The following SESN1 variants were observed in gnomAD, a reference collection of about 807,000 sequenced individuals.
SESN1 encodes the protein sestrin-1.
SESN1 carries 30 observed loss-of-function variants against 59.3 expected under a neutral mutation model. The ratio of observed to expected loss-of-function variants is 0.51; its 90% CI spans 0.38 to 0.69. The LOEUF (loss-of-function observed/expected upper bound fraction) is 0.69. SESN1 is among the 30% of genes least tolerant of loss of function. The pLI is 0.00. For synonymous variants in SESN1, 197 were observed against 219.9 expected, an observed-to-expected ratio of 0.90 and a Z score of 0.92; for missense variants, 566 against 673.0, an observed-to-expected ratio of 0.84 and a Z score of 1.76.
chr6:109,050,911 T>C (rs1583287571), intron 1 of SESN1, among the ~76,000 whole-genome samples: 1 of 152,142 alleles, frequency 6.6e-6, no homozygotes, highest in Admixed American at 6.5e-5. Context: ...ACTGCTTAGG[T>C]AGGGGGAATG....
intron 3 of SESN1, 110 bp from the exon 4 acceptor site, chr6:109,000,783 AT>A: frequency 1.1e-6 from 1 of 928,170 alleles, no homozygotes; most frequent in African/African-American, 1.7e-5. Flanking sequence ...ATGTTTTCAA[AT>A]TTTCCGTAAA....
chr6:109,006,258 T>C (rs894162261), intron 1 of SESN1, among the ~76,000 whole-genome samples: 1 of 152,208 alleles, frequency 6.6e-6, no homozygotes, highest in Non-Finnish European at 1.5e-5. Flanking sequence ...GGTACTATTA[T>C]TATCTCCATT....
chr6:109,075,341 G>A (rs1203905852), intron 1 of SESN1, among the ~76,000 whole-genome samples: 5 of 152,128 alleles, frequency 3.3e-5, no homozygotes, highest in Admixed American at 3.3e-4. Context: ...TTCCTTTTGA[G>A]TATGGACTAA....
chr6:109,081,014 T>C (rs1282623027), intron 1 of SESN1, among the ~76,000 whole-genome samples: 1 of 152,094 alleles, frequency 6.6e-6, no homozygotes, highest in Admixed American at 6.6e-5. Context: ...AGATATCTCA[T>C]TATACATATG....
At chr6:109,027,292 G>A (rs1171546932) in intron 1 of SESN1, among the ~76,000 whole-genome samples, 3 of 151,954 alleles carry the variant, frequency 2.0e-5, no homozygotes, top group Non-Finnish European at 4.4e-5. Flanking sequence ...GGCCAACATG[G>A]TGAAACCCCG....
intron 8 of SESN1, among the ~76,000 whole-genome samples, chr6:108,989,637 A>G (rs957236121): frequency 6.8e-6 from 1 of 147,604 alleles, no homozygotes; most frequent in African/African-American, 2.5e-5. Context: ...ATTTACTTGT[A>G]TAAATAAATA....
chr6:109,039,073 A>AAAGGAGGGAGGAAAAGGAG (rs1288510565), intron 1 of SESN1, among the ~76,000 whole-genome samples: 4 of 150,450 alleles, frequency 2.7e-5, no homozygotes, highest in African/African-American at 9.8e-5. Context: ...AAGGAGGAAG[A>AAAGGAGGGAGGAAAAGGAG]AAGGAGGGAG....
At chr6:109,042,898 C>T (rs983767378) in intron 1 of SESN1, among the ~76,000 whole-genome samples, 2 of 151,406 alleles carry the variant, frequency 1.3e-5, no homozygotes, top group Non-Finnish European at 2.9e-5. Context: ...AAAGACAATA[C>T]AAAAAAAGAA....
Position 108,984,624 on chromosome 6 carries a change from T to C in SESN1, c.*2920A>G, listed in dbSNP as rs537788901. 6.6e-6 allele frequency among the ~76,000 whole-genome samples: 1 copy of C among 152,356 alleles called. No homozygotes were observed. The highest frequency in any genetic ancestry group is 2.1e-4 in the South Asian group (1 of 4,828). On this transcript the variant is annotated 3_prime_UTR_variant, in exon 10 of 10. Coordinates refer to ENST00000436639, the MANE Select transcript of SESN1 (RefSeq NM_014454.3). ...AAGACACAAACATTCAGCCATCACA[T>C]ATCCCCTTGGTTAGGTTTATTCCTA...
At position 108,990,849 on chromosome 6, in the gene SESN1, A is replaced by G; in HGVS notation, c.1234-14T>C. 1 of 1,607,724 alleles carries G rather than the reference A, an allele frequency of 6.2e-7. No homozygotes were observed. Among genetic ancestry groups the G allele is most frequent in the Non-Finnish European group, 8.5e-7 (1 of 1,175,112 alleles). On this transcript the variant is annotated splice_polypyrimidine_tract_variant and intron_variant, in intron 7 of 9. Coordinates refer to ENST00000436639, the MANE Select transcript of SESN1 (RefSeq NM_014454.3). ...CCAGCAATAGTCCTAAATACAGGGA[A>G]TAGAACAAATGTGAATAAATGTGGT...
At chr6:109,086,513 T>C (rs900359216) in intron 1 of SESN1, among the ~76,000 whole-genome samples, 1 of 152,070 alleles carries the variant, frequency 6.6e-6, no homozygotes, top group African/African-American at 2.4e-5. Context: ...AAGAGAAAAA[T>C]AAATATAACT....
rs1484850089 is a variant in SESN1, at chr6:109,026,604, A to G, written c.280-24261T>C. On this transcript the variant is annotated intron_variant, in intron 1 of 9. Coordinates refer to ENST00000436639, the MANE Select transcript of SESN1 (RefSeq NM_014454.3). ...CTTCTCCGCCTCCCAGTTTCGGTTCAAGCGATTCTCCTGCCTCAGCCTCCC... is the reference window on the plus strand; with the variant it reads ...CTTCTCCGCCTCCCAGTTTCGGTTCGAGCGATTCTCCTGCCTCAGCCTCCC... 3.9e-5 allele frequency among the ~76,000 whole-genome samples: 6 copies of G among 152,104 alleles called. No homozygotes were observed. The East Asian group carries it at 1.2e-3, about 30-fold the overall frequency.
At position 109,044,849 on chromosome 6, in the gene SESN1, C is replaced by A. The variant is rs1360953159; in HGVS notation, c.280-42506G>T. On this transcript the variant is annotated intron_variant, in intron 1 of 9. Transcript: ENST00000436639. ...GACCAGCCTGACCAACATGAAGAAA[C>A]CCCATCTCTACTAAAAATACAAAAT... Among the ~76,000 whole-genome samples, 3 of 152,282 alleles carry A rather than the reference C, an allele frequency of 2.0e-5. No homozygotes were observed. The East Asian group carries it at 5.8e-4, about 29-fold the overall frequency.
intron 1 of SESN1, among the ~76,000 whole-genome samples, chr6:109,013,942 GTT>G (rs754220378): frequency 6.0e-5 from 9 of 149,446 alleles, no homozygotes; most frequent in Non-Finnish European, 1.2e-4. Context: ...TCAACATCAT[GTT>G]TTGGGTACAT....
At chr6:109,067,384 CT>C (rs755286515) in intron 1 of SESN1, among the ~76,000 whole-genome samples, 3 of 152,142 alleles carry the variant, frequency 2.0e-5, no homozygotes, top group Admixed American at 6.5e-5. Context: ...GGGTAGAAGT[CT>C]TTTATGGACA....
In SESN1 at chr6:109,000,474, AT is replaced by A. The variant is rs1583264530; in HGVS notation, c.729+16del. 6.7e-7 allele frequency: 1 copy of A among 1,492,982 alleles called. No homozygotes were observed. The highest frequency in any genetic ancestry group is 9.0e-7 in the Non-Finnish European group (1 of 1,117,182). 92.5% of individuals were successfully genotyped at this position (1,492,982 alleles called of 1,614,324 possible). On this transcript the variant is annotated intron_variant, in intron 4 of 9. Transcript: ENST00000436639. ...AAGTCTGAAATGACTCCCAAGATATATTACCCCACTGCTTACCTCAATGTGT... is the reference window on the plus strand; with the variant it reads ...AAGTCTGAAATGACTCCCAAGATATATACCCCACTGCTTACCTCAATGTGT...
chr6:109,013,434 T>G (rs72937014), intron 1 of SESN1, among the ~76,000 whole-genome samples: 20,842 of 152,070 alleles, frequency 0.14, 1,946 homozygotes, highest in Non-Finnish European at 0.21. Flanking sequence ...CAAACTCTTG[T>G]TTTTGAAATT....
chr6:108,991,272 C>CA (rs1269063666), intron 7 of SESN1, among the ~76,000 whole-genome samples: 1 of 151,978 alleles, frequency 6.6e-6, no homozygotes, highest in Non-Finnish European at 1.5e-5. Flanking sequence ...GACAAGGTCT[C>CA]ACTATGTTGT....
chr6:109,032,360 T>G (rs569458960), intron 1 of SESN1, among the ~76,000 whole-genome samples: 62 of 152,284 alleles, frequency 4.1e-4, no homozygotes, highest in African/African-American at 1.4e-3. Flanking sequence ...GGCTCACGCC[T>G]GTAATCCCAG....
Sources: allele counts gnomAD v4.1 joint callset (sites outside exome capture counted in the v4.1 genomes callset), GRCh38; gene constraint gnomAD v4.1.1; transcripts MANE v1.5; gene names NCBI Gene and HGNC (gene_info 2026-07-23, HGNC 2026-07-21).